ARL10: variants seen among roughly 807,000 people sequenced by gnomAD.
The protein encoded by ARL10 is ADP-ribosylation factor-like protein 10.
A neutral mutation model predicts 26.1 loss-of-function variants in ARL10; 23 were observed. That is an observed-to-expected ratio of 0.88 (90% CI 0.63 to 1.25). The LOEUF is 1.25. ARL10 is among the 50% of genes most tolerant of loss of function. The probability of loss-of-function intolerance (pLI) is 0.00; values close to 1 mark genes in which losing one functional copy is unlikely to be tolerated. For synonymous variants in ARL10, 138 were observed against 149.1 expected (o/e 0.93, Z 0.54); for missense variants, 300 against 323.6 (o/e 0.93, Z 0.56).
At position 176,368,389 on chromosome 5, in the gene ARL10, A is replaced by G. The variant is rs1257924910; in HGVS notation, c.386-418A>G. Among the ~76,000 whole-genome samples, 2 of 152,150 alleles carry G rather than the reference A, an allele frequency of 1.3e-5. No individual in the cohort carries two copies. The highest frequency in any genetic ancestry group is 4.8e-5 in the African/African-American group (2 of 41,428). ...AAAGCTAGGAATTAGCAAGAGGCAA[A>G]GCCAGACAACCCAGGGGAGAGAACT... On this transcript the variant is annotated intron_variant, in intron 2 of 3. Coordinates refer to ENST00000310389, the MANE Select transcript of ARL10 (RefSeq NM_173664.6). This position sits in a 1 kb window ranked among gnomAD's most constrained non-coding sequence, Gnocchi z 4.1.
At chr5:176,386,435 G>A (rs148777842), downstream of ARL10, 40 of 305,810 alleles carry the variant, frequency 1.3e-4, no homozygotes, top group East Asian at 2.5e-3. Context: ...ACTCTCCTCC[G>A]TTTTAGCGTT....
downstream of ARL10, chr5:176,384,665 G>A (rs1755692212): frequency 6.8e-6 from 3 of 442,326 alleles, no homozygotes; most frequent in Non-Finnish European, 1.2e-5. Context: ...AGCTACTTGG[G>A]AGGCCGAGGC....
the ARL10 span, among the ~76,000 whole-genome samples, chr5:176,411,040 A>G: frequency 2.0e-5 from 3 of 152,168 alleles, no homozygotes; most frequent in Non-Finnish European, 4.4e-5. Context: ...CACCTGCACA[A>G]CTGCTTTGCC....
downstream of ARL10, among the ~76,000 whole-genome samples, chr5:176,393,634 CACT>C (rs1299873735): frequency 2.6e-5 from 4 of 152,172 alleles, no homozygotes; most frequent in Admixed American, 2.6e-4. The surrounding 1 kb of genome is among the most constrained non-coding windows in gnomAD (Gnocchi z 4.4). Context: ...CCAGAACCAC[CACT>C]GTCTCTGAGG....
rs749833526 is a variant in ARL10, at chr5:176,397,647, G to A, written c.134-4094G>A. 22 of 1,611,906 alleles carry A rather than the reference G, an allele frequency of 1.4e-5. No homozygotes were observed. Among genetic ancestry groups the A allele is most frequent in the Non-Finnish European group, 1.6e-5 (19 of 1,179,678 alleles). ...TTCTTCTCTACTTGTTCACTCTGGCGCTGGTTCCACTCCTCCAGGTCCTTC... is the reference window on the plus strand; with the variant it reads ...TTCTTCTCTACTTGTTCACTCTGGCACTGGTTCCACTCCTCCAGGTCCTTC... On this transcript the variant is annotated intron_variant, in intron 1 of 1. Transcript: ENST00000514533.
chr5:176,385,645 G>A (rs1260566758), downstream of ARL10, among the ~76,000 whole-genome samples: 1 of 152,220 alleles, frequency 6.6e-6, no homozygotes, highest in East Asian at 1.9e-4. Flanking sequence ...CAGGTCTCAG[G>A]ACAGAGATGA....
chr5:176,410,395 T>C, the ARL10 span: 3 of 916,402 alleles, frequency 3.3e-6, no homozygotes, highest in Non-Finnish European at 5.2e-6. Flanking sequence ...CCAAACTCTG[T>C]GTATACCCAT....
downstream of ARL10, chr5:176,388,865 T>C: frequency 1.9e-6 from 3 of 1,614,050 alleles, no homozygotes; most frequent in Non-Finnish European, 2.5e-6. Context: ...CTTTGAACCA[T>C]CGAAGCCTCC....
At chr5:176,405,300 C>T (rs1030842008), downstream of ARL10, among the ~76,000 whole-genome samples, 2 of 151,862 alleles carry the variant, frequency 1.3e-5, no homozygotes, top group African/African-American at 4.8e-5. Context: ...ACCAGCCTGG[C>T]CAATATAGCG....
downstream of ARL10, among the ~76,000 whole-genome samples, chr5:176,404,408 G>C (rs1300847792): frequency 6.6e-6 from 1 of 152,236 alleles, no homozygotes; most frequent in East Asian, 1.9e-4. Context: ...ACAGCCCTTT[G>C]GGGCAGCGGA....
downstream of ARL10, among the ~76,000 whole-genome samples, chr5:176,393,318 T>C (rs952062601): frequency 6.6e-6 from 1 of 152,126 alleles, no homozygotes; most frequent in Non-Finnish European, 1.5e-5. This position sits in a 1 kb window ranked among gnomAD's most constrained non-coding sequence, Gnocchi z 4.4. Context: ...CTAAAGACCC[T>C]TGGAGGTCCT....
chr5:176,399,613 G>T (rs772611047), intron 1 of ARL10, among the ~76,000 whole-genome samples: 18 of 152,270 alleles, frequency 1.2e-4, no homozygotes, highest in African/African-American at 3.8e-4. Context: ...GGAAAAAAAG[G>T]CCAGGCACGG....
chr5:176,392,938 C>T (rs928571864), downstream of ARL10: 25 of 1,614,010 alleles, frequency 1.5e-5, no homozygotes, highest in African/African-American at 2.7e-5. The surrounding 1 kb of genome is among the most constrained non-coding windows in gnomAD (Gnocchi z 5.2). Flanking sequence ...AAAGCCTCCT[C>T]GGATGCCCTG....
Position 176,368,684 on chromosome 5 carries a change from G to C in ARL10, c.386-123G>C, listed in dbSNP as rs1768416897. The C allele has an allele frequency of 1.7e-6, 2 of 1,192,318 alleles. No individual in the cohort carries two copies. Among genetic ancestry groups the C allele is most frequent in the Non-Finnish European group, 2.3e-6 (2 of 885,226 alleles). The allele number at this position is 1,192,318 out of a possible 1,614,324, so 73.9% of individuals were successfully genotyped here. A position where few individuals can be genotyped will look rare whatever the true frequency, so the allele number is the denominator to read the frequency against. On this transcript the variant is annotated intron_variant, in intron 2 of 3. Coordinates refer to ENST00000310389, the MANE Select transcript of ARL10 (RefSeq NM_173664.6). This position sits in a 1 kb window ranked among gnomAD's most constrained non-coding sequence, Gnocchi z 4.1. ...GGGTGGGGTGGGGGCTGTGGGCAGT[G>C]AGCGGGGGCCCGGGGTGGGGTGGGG...
At chr5:176,386,634 G>C, downstream of ARL10, 2 of 669,032 alleles carry the variant, frequency 3.0e-6, no homozygotes, top group Non-Finnish European at 2.8e-6. Context: ...TCTGACCTTA[G>C]TTCACACAGT....
downstream of ARL10, chr5:176,405,872 G>A (rs941709943): frequency 2.0e-5 from 3 of 151,238 alleles, no homozygotes; most frequent in Non-Finnish European, 2.9e-5. Context: ...TGAGGCTTAC[G>A]AGATGCTATG....
the ARL10 span, among the ~76,000 whole-genome samples, chr5:176,412,056 G>A: frequency 3.3e-5 from 5 of 151,740 alleles, no homozygotes; most frequent in East Asian, 7.8e-4. Flanking sequence ...GGCGCCTGTA[G>A]TCCCAGCCAC....
At chr5:176,400,225 G>A (rs1024384177) in intron 1 of ARL10, among the ~76,000 whole-genome samples, 13 of 151,182 alleles carry the variant, frequency 8.6e-5, no homozygotes, top group Non-Finnish European at 1.9e-4. Flanking sequence ...AAGAAAGAAA[G>A]AAAAAAAGGA....
the ARL10 span, among the ~76,000 whole-genome samples, chr5:176,410,673 C>G: frequency 6.6e-6 from 1 of 152,200 alleles, no homozygotes; most frequent in Non-Finnish European, 1.5e-5. Flanking sequence ...GCCAGATTAC[C>G]TGTGAAGCCT....
Sources: allele counts gnomAD v4.1 joint callset (sites outside exome capture counted in the v4.1 genomes callset), GRCh38; gene constraint gnomAD v4.1.1; non-coding constraint Gnocchi (gnomAD v3.1); transcripts MANE v1.5; gene names NCBI Gene and HGNC (gene_info 2026-07-23, HGNC 2026-07-21).